The following MED14 variants were observed in gnomAD, a reference collection of about 807,000 sequenced individuals.
MED14 encodes mediator of RNA polymerase II transcription subunit 14.
In MED14, 8 loss-of-function variants were observed where a neutral mutation model predicts 109.0. The ratio of observed to expected loss-of-function variants is 0.07; its 90% confidence interval spans 0.04 to 0.13. The LOEUF (loss-of-function observed/expected upper bound fraction) is 0.13, where lower values mean the gene tolerates loss of function less well. MED14 is among the 10% of genes least tolerant of loss of function. The pLI, the probability that MED14 is intolerant of heterozygous loss-of-function variation, is 1.00. For synonymous variants in MED14, 399 were observed against 408.7 expected, an observed-to-expected ratio of 0.98 and a Z score of 0.29; for missense variants, 711 against 1,142.4, an observed-to-expected ratio of 0.62 and a Z score of 5.44.
Position 40,649,475 on chromosome X carries a change from GTTAAA to G in MED14, c.*2326_*2330del, listed in dbSNP as rs1928778786. On this transcript the variant is annotated 3_prime_UTR_variant, in exon 31 of 31. Coordinates refer to ENST00000324817, the MANE Select transcript of MED14 (RefSeq NM_004229.4). ...ATCAGGACCAATTTCTTATTTCAAGGTTAAATTAATACTAAACCAGACTATTAATG... is the reference window on the plus strand; with the variant it reads ...ATCAGGACCAATTTCTTATTTCAAGGTTAATACTAAACCAGACTATTAATG... 4.9e-6 allele frequency: 2 copies of G among 406,952 alleles called. No homozygotes were observed. Among genetic ancestry groups the G allele is most frequent in the Admixed American group, 1.7e-4 (2 of 12,001 alleles). The allele number at this position is 406,952 out of a possible 1,213,427, so 33.5% of individuals were successfully genotyped here. A position where few individuals can be genotyped will look rare whatever the true frequency, so the allele number is the denominator to read the frequency against.
intron 28 of MED14, among the ~76,000 whole-genome samples, chrX:40,657,036 C>T (rs1929076089): frequency 9.0e-6 from 1 of 110,918 alleles, no homozygotes; most frequent in Non-Finnish European, 1.9e-5. Flanking sequence ...TACAGGTGCC[C>T]ATCACCACAC....
At chrX:40,678,148 A>T (rs1929976265) in intron 21 of MED14, among the ~76,000 whole-genome samples, 1 of 111,120 alleles carries the variant, frequency 9.0e-6, no homozygotes, top group Admixed American at 9.6e-5. Context: ...CATAAAAGAG[A>T]AATGAAGGAA....
At chrX:40,723,900 G>A (rs748576895) in intron 3 of MED14, among the ~76,000 whole-genome samples, 6 of 110,205 alleles carry the variant, frequency 5.4e-5, no homozygotes, top group Admixed American at 1.9e-4. Flanking sequence ...GGCACAGAGT[G>A]GCTGAATAGA....
intron 28 of MED14, among the ~76,000 whole-genome samples, chrX:40,656,842 C>T (rs1929070529): frequency 8.9e-6 from 1 of 112,596 alleles, no homozygotes; most frequent in Admixed American, 9.4e-5. Context: ...TCCTGGAAAT[C>T]ACATCCACCA....
rs969326787 is a variant in MED14, at chrX:40,735,483, C to G, written c.-71G>C. 87 of 982,543 alleles carry G rather than the reference C, an allele frequency of 8.9e-5. No individual in the cohort carries two copies. Among genetic ancestry groups the G allele is most frequent in the Non-Finnish European group, 1.1e-4 (80 of 716,923 alleles). 81.0% of individuals were successfully genotyped at this position (982,543 alleles called of 1,213,427 possible). On this transcript the variant is annotated 5_prime_UTR_variant, in exon 1 of 31. Transcript: ENST00000324817. ...TCGAGCCTCCCGGGCGCTCGGTCAC[C>G]GCGCCGAAACGGGAGCGGGCAGAGT...
At chrX:40,679,256 C>T (rs1275016670) in intron 21 of MED14, among the ~76,000 whole-genome samples, 1 of 111,934 alleles carries the variant, frequency 8.9e-6, no homozygotes, top group Non-Finnish European at 1.9e-5. Context: ...CCTGTAATCC[C>T]AGCACTTTGG....
chrX:40,681,578 T>C (rs1188974071), intron 19 of MED14, among the ~76,000 whole-genome samples: 2 of 111,725 alleles, frequency 1.8e-5, no homozygotes, highest in African/African-American at 6.5e-5. Context: ...CTGTAATCAG[T>C]GAAGAAAAAA....
intron 10 of MED14, among the ~76,000 whole-genome samples, chrX:40,704,433 C>CG (rs200899459): frequency 0.023 from 2,520 of 111,895 alleles, 76 homozygotes; most frequent in African/African-American, 0.077. Context: ...GGAGAGGTAA[C>CG]GTGGCAGGCG....
Position 40,714,600 on chromosome X carries a change from G to C in MED14, c.459C>G (p.Ala153=), listed in dbSNP as rs757022386. 9.9e-6 allele frequency: 12 copies of C among 1,209,830 alleles called. No individual in the cohort carries two copies. The highest frequency in any genetic ancestry group is 6.6e-5 in the Admixed American group (3 of 45,724). ...TTAGTACATCAATGGCATATGGGAT[G>C]GCAAAACTAGGCAGGCGTGCATGGA... ...ALVHARLPSF[A]IPYAIDVLTT... The change falls in exon 4 of 31, where the codon GCC becomes GCG. Residue 153 remains alanine, a synonymous_variant. Coordinates refer to ENST00000324817, the MANE Select transcript of MED14 (RefSeq NM_004229.4).
chrX:40,671,907 A>G lies in MED14; in HGVS notation c.3087T>C (p.His1029=), dbSNP rs757531466. 2 of 1,206,924 alleles carry G rather than the reference A, an allele frequency of 1.7e-6. No individual in the cohort carries two copies. The highest frequency in any genetic ancestry group is 5.9e-5 in the East Asian group (2 of 33,687). ...YPLTSPPTSY[H]STVNQSPSMM... ...TTGAGGGAGACTGATTGACTGTGCTATGATAAGATGTAGGGGGTGAAGTAA... is the reference window on the plus strand; with the variant it reads ...TTGAGGGAGACTGATTGACTGTGCTGTGATAAGATGTAGGGGGTGAAGTAA... Residue 1029 remains histidine, a synonymous_variant, in exon 23 of 31, where the codon CAT becomes CAC. Coordinates refer to ENST00000324817, the MANE Select transcript of MED14 (RefSeq NM_004229.4).
At chrX:40,721,632 C>A (rs1192520553) in intron 3 of MED14, among the ~76,000 whole-genome samples, 2 of 112,512 alleles carry the variant, frequency 1.8e-5, no homozygotes, top group East Asian at 5.6e-4. Flanking sequence ...GCCCTAGGGC[C>A]TGGAGTGAAG....
At position 40,673,299 on chromosome X, in the gene MED14, C is replaced by T. The variant is rs774865658; in HGVS notation, c.3022-1327G>A. On this transcript the variant is annotated intron_variant, in intron 22 of 30. Coordinates refer to ENST00000324817, the MANE Select transcript of MED14 (RefSeq NM_004229.4). ...AGTGTCAAACTTTTTAACTTAAAAA[C>T]AAACAAACAAAAAAGCTCTACCTAC... Among the ~76,000 whole-genome samples, 5 of 112,126 alleles carry T rather than the reference C, an allele frequency of 4.5e-5. No homozygotes were observed. The South Asian group carries it at 1.8e-3, about 41-fold the overall frequency.
chrX:40,660,613 G>T (rs1445380437), intron 26 of MED14, among the ~76,000 whole-genome samples: 7 of 111,064 alleles, frequency 6.3e-5, no homozygotes, highest in Non-Finnish European at 1.1e-4. Context: ...CAGGTGGTAA[G>T]GACATAGCAC....
intron 26 of MED14, 83 bp from the exon 27 acceptor site, chrX:40,659,690 C>T: frequency 2.1e-6 from 2 of 964,665 alleles, no homozygotes; most frequent in Non-Finnish European, 2.8e-6. Context: ...AAAAGGAAAA[C>T]CACTAAGTTG....
intron 12 of MED14, among the ~76,000 whole-genome samples, chrX:40,699,977 G>A (rs1367393163): frequency 9.1e-6 from 1 of 110,055 alleles, no homozygotes; most frequent in Non-Finnish European, 1.9e-5. Context: ...GTGAAACTCC[G>A]TCTCTACTAA....
At chrX:40,699,194 T>A (rs969285754) in intron 12 of MED14, among the ~76,000 whole-genome samples, 1 of 112,246 alleles carries the variant, frequency 8.9e-6, no homozygotes, top group Non-Finnish European at 1.9e-5. Context: ...CTACTTTATA[T>A]GAAATGACCA....
At position 40,712,812 on chromosome X, in the gene MED14, T is replaced by G. The variant is rs376860123; in HGVS notation, c.781+102A>C. 1,661 of 866,332 alleles carry G rather than the reference T, an allele frequency of 1.9e-3. 5 individuals are homozygous for G. The highest frequency in any genetic ancestry group is 6.7e-3 in the Middle Eastern group (16 of 2,385). The allele number at this position is 866,332 out of a possible 1,213,427, so 71.4% of individuals were successfully genotyped here. A position where few individuals can be genotyped will look rare whatever the true frequency, so the allele number is the denominator to read the frequency against. ...CCTTGGCCTCCCAAAGTAGTGGGAT[T>G]ACAAGCATGAGCCATCATCCCCAGC... is the stretch of plus-strand genomic sequence containing the variant. On this transcript the variant is annotated intron_variant, in intron 6 of 30. Transcript: ENST00000324817.
chrX:40,706,383 T>C (rs1403169204), intron 10 of MED14, among the ~76,000 whole-genome samples: 1 of 111,572 alleles, frequency 9.0e-6, no homozygotes, highest in Non-Finnish European at 1.9e-5. Context: ...GCATGCAAGC[T>C]TCTCCCTTCC....
At position 40,666,738 on chromosome X, in the gene MED14, T is replaced by C. The variant is rs751983140; in HGVS notation, c.3247A>G (p.Ser1083Gly). 1.4e-5 allele frequency: 17 copies of C among 1,207,714 alleles called. No individual in the cohort carries two copies. In the Admixed American group the frequency reaches 2.8e-4, roughly 20 times the overall value. The change falls in exon 24 of 31, where the codon AGT becomes GGT. Residue 1083 changes from serine (S) to glycine (G), a missense_variant. Transcript: ENST00000324817. ...GACTCACCATGTGGACTAGCAAAACTGGCCCCTGGTCCTATTGAGATTCCA... is the reference window on the plus strand; with the variant it reads ...GACTCACCATGTGGACTAGCAAAACCGGCCCCTGGTCCTATTGAGATTCCA... ...SHGISIGPGA[S>G]FASPHGTLDP...
Sources: allele counts gnomAD v4.1 joint callset (sites outside exome capture counted in the v4.1 genomes callset), GRCh38; gene constraint gnomAD v4.1.1; transcripts MANE v1.5; gene names NCBI Gene and HGNC (gene_info 2026-07-23, HGNC 2026-07-21).